Variants in COL6A1 observed in about 807,000 individuals in gnomAD.
COL6A1 encodes the protein collagen alpha-1(VI) chain.
COL6A1 carries 80 observed loss-of-function variants against 145.6 expected under a neutral mutation model. The ratio of observed to expected loss-of-function variants is 0.55; its 90% CI spans 0.46 to 0.66. The LOEUF (loss-of-function observed/expected upper bound fraction) is 0.66, where lower values mean the gene tolerates loss of function less well. Ranked by LOEUF, COL6A1 falls within the 30% of genes least tolerant of loss-of-function variation. The pLI is 0.00. For synonymous variants in COL6A1, 638 were observed against 622.8 expected (o/e 1.02, Z -0.36); for missense variants, 1,364 against 1,473.8 (o/e 0.93, Z 1.22).
At position 45,987,635 on chromosome 21, in the gene COL6A1, G is replaced by A. The variant is rs757791812; in HGVS notation, c.785G>A (p.Arg262Gln). The A allele has an allele frequency of 5.1e-5, 82 of 1,610,784 alleles. No homozygotes were observed. Among genetic ancestry groups the A allele is most frequent in the Middle Eastern group, 5.0e-4 (3 of 6,048 alleles). Residue 262 changes from arginine (R) to glutamine (Q), a missense_variant, in exon 8 of 35, where the codon CGG (arginine) becomes CAG (glutamine). Transcript: ENST00000361866. The stretch of plus-strand genomic sequence containing the variant: ...CCTGCAAGAGGACCTCCGGGGCTCC[G>A]GGGCGACCCCGGCTTTGAGGTGAGT... ...CQPARGPPGL[R>Q]GDPGFEGERG... is the part of the protein sequence containing the mutation.
chr21:45,983,245 G>T (rs1351490847), intron 2 of COL6A1, among the ~76,000 whole-genome samples: 1 of 152,200 alleles, frequency 6.6e-6, no homozygotes, highest in Admixed American at 6.5e-5. Context: ...GGAGCCAGGA[G>T]GGGTGTCGCT....
rs530390229 is a variant in COL6A1 at position 45,997,584 on chromosome 21, A to G, written c.1461+101A>G. On this transcript the variant is annotated intron_variant, in intron 21 of 34. Transcript: ENST00000361866. ...TGGCCCCGTGCCCTCTGAGGACTCTATGGCCCTGGGTGTCCTGGCTCCCGA... is the reference window on the plus strand; with the variant it reads ...TGGCCCCGTGCCCTCTGAGGACTCTGTGGCCCTGGGTGTCCTGGCTCCCGA... The G allele has an allele frequency of 1.5e-4, 225 of 1,536,330 alleles. 1 individual carries two copies. In the African/African-American group the frequency reaches 2.7e-3, roughly 18 times the overall value.
chr21:45,989,554 G>GGCCCCT (rs1174780643), intron 9 of COL6A1, 54 bp from the exon 10 acceptor site: 2 of 1,569,578 alleles, frequency 1.3e-6, no homozygotes, highest in Non-Finnish European at 1.8e-6. Context: ...GGGTGGGACT[G>GGCCCCT]GCCCCTGCCC....
chr21:45,987,422 G>C, intron 6 of COL6A1, 77 bp from the exon 7 acceptor site: 1 of 1,597,448 alleles, frequency 6.3e-7, no homozygotes, highest in Non-Finnish European at 8.6e-7. Context: ...CATGTGCCTG[G>C]GTCGCATGTC....
intron 19 of COL6A1, among the ~76,000 whole-genome samples, chr21:45,993,502 G>A (rs1013016238): frequency 2.0e-5 from 3 of 152,226 alleles, no homozygotes; most frequent in Non-Finnish European, 2.9e-5. Context: ...CAGAGGCAGC[G>A]CCCCCGGGTG....
chr21:45,987,220 C>T, intron 6 of COL6A1, 45 bp downstream of exon 6: 21 of 1,585,482 alleles, frequency 1.3e-5, no homozygotes, highest in East Asian at 2.3e-5. Flanking sequence ...CTGCACACGT[C>T]CACCCACACG....
chr21:45,986,879 T>C (rs2077742151), intron 4 of COL6A1, 65 bp from the exon 5 acceptor site: 2 of 1,533,956 alleles, frequency 1.3e-6, no homozygotes, highest in Non-Finnish European at 1.7e-6. Flanking sequence ...TCTGGCCCTG[T>C]GGGAAGCGGC....
intron 27 of COL6A1, 61 bp from the exon 28 acceptor site, chr21:46,000,270 C>T: frequency 6.2e-7 from 1 of 1,601,634 alleles, no homozygotes; most frequent in Non-Finnish European, 8.6e-7. Context: ...ATCCAGCAGC[C>T]CACAGTCCCC....
intron 10 of COL6A1, 33 bp downstream of exon 10, chr21:45,989,685 G>A (rs777423876): frequency 6.2e-7 from 1 of 1,613,168 alleles, no homozygotes; most frequent in Non-Finnish European, 8.5e-7. Context: ...CCCGAGCCCG[G>A]TGGTGCCCTC....
In COL6A1 at chr21:46,003,384, C is replaced by T. The variant is rs376196793; in HGVS notation, c.2465-7C>T. 1.1e-5 allele frequency: 18 copies of T among 1,599,998 alleles called. No individual in the cohort carries two copies. The African/African-American group carries it at 2.4e-4, about 21-fold the overall frequency. ...TCATGCTAACGGCTGCCCACCCCGC[C>T]CCGCAGTCACGTTCTCCTCCCCGGC... is the stretch of plus-strand genomic sequence containing the variant. On this transcript the variant is annotated splice_region_variant and splice_polypyrimidine_tract_variant and intron_variant, in intron 34 of 34. Coordinates refer to ENST00000361866, the MANE Select transcript of COL6A1 (RefSeq NM_001848.3).
In COL6A1 at chr21:46,003,801, G is replaced by A. The variant is rs200959957; in HGVS notation, c.2875G>A (p.Val959Met). Residue 959 changes from valine (V) to methionine (M), a missense_variant, in exon 35 of 35, where the codon GTG becomes ATG. Around this residue, in one of 3 missense-constraint regions of COL6A1, gnomAD observed 938 missense variants for 1,003.8 expected, o/e 0.93. Coordinates refer to ENST00000361866, the MANE Select transcript of COL6A1 (RefSeq NM_001848.3). ...GATPAAIEKAVQEAQRAGIEI... is the reference protein window; with the variant it reads ...GATPAAIEKAMQEAQRAGIEI... ...CACGCCCGCTGCCATCGAGAAGGCC[G>A]TGCAGGAAGCCCAGCGGGCAGGCAT... 233 of 1,608,978 alleles carry A rather than the reference G, an allele frequency of 1.4e-4. No individual in the cohort carries two copies. Among genetic ancestry groups the A allele is most frequent in the Non-Finnish European group, 1.6e-4 (191 of 1,176,700 alleles).
chr21:45,983,558 C>T (rs914181518), intron 2 of COL6A1, among the ~76,000 whole-genome samples: 1 of 152,106 alleles, frequency 6.6e-6, no homozygotes, highest in East Asian at 1.9e-4. Flanking sequence ...CTGCCGGTAA[C>T]AGCAGGGTGG....
At chr21:45,983,469 G>C (rs1480276782) in intron 2 of COL6A1, among the ~76,000 whole-genome samples, 1 of 152,112 alleles carries the variant, frequency 6.6e-6, no homozygotes, top group Non-Finnish European at 1.5e-5. Flanking sequence ...AGCCGGCGTA[G>C]GAACCCCCGT....
At chr21:46,001,491 C>T (rs546107498) in intron 30 of COL6A1, 105 bp downstream of exon 30, 1 of 1,431,704 alleles carries the variant, frequency 7.0e-7, no homozygotes, top group Admixed American at 1.7e-5. Flanking sequence ...ACCGCTGCAT[C>T]CCTGTGACTT....
intron 23 of COL6A1, 112 bp from the exon 24 acceptor site, chr21:45,998,286 C>A: frequency 6.3e-7 from 1 of 1,582,766 alleles, no homozygotes; most frequent in South Asian, 1.1e-5. Context: ...CCGGCTGGCC[C>A]AGGAATTCCA....
intron 27 of COL6A1, 94 bp downstream of exon 27, chr21:45,999,786 T>C (rs907739771): frequency 2.4e-6 from 2 of 846,890 alleles, no homozygotes; most frequent in Non-Finnish European, 3.5e-6. Context: ...CTGTAGACGC[T>C]GCTCACGGGG....
intron 20 of COL6A1, among the ~76,000 whole-genome samples, chr21:45,997,031 G>C (rs931445308): frequency 2.0e-5 from 3 of 152,164 alleles, no homozygotes; most frequent in Admixed American, 2.0e-4. Flanking sequence ...TGCGGCCTGG[G>C]GACCTGTAGC....
intron 20 of COL6A1, 96 bp from the exon 21 acceptor site, chr21:45,997,325 T>A: frequency 8.6e-7 from 1 of 1,166,808 alleles, no homozygotes; most frequent in East Asian, 2.4e-5. Context: ...CTGGGGGCCC[T>A]GATGCCTCTT....
chr21:46,003,492 G>C lies in COL6A1; in HGVS notation c.2566G>C (p.Ala856Pro). The C allele has an allele frequency of 6.2e-7, 1 of 1,610,510 alleles. No homozygotes were observed. The highest frequency in any genetic ancestry group is 8.5e-7 in the Non-Finnish European group (1 of 1,179,512). The change falls in exon 35 of 35, where the codon GCC (alanine) becomes CCC (proline). Residue 856 changes from alanine to proline, a missense_variant. This residue lies in a region of COL6A1 where 938 missense variants were observed against 1,003.8 expected (regional missense o/e 0.93). Transcript: ENST00000361866. ...CACCAAGCGCTTCGCCAAGCGCCTG[G>C]CCGAGCGCTTCCTCACAGCGGGCAG... ...DTTKRFAKRL[A>P]ERFLTAGRTD...
Sources: gnomAD v4.1 joint callset for allele counts (sites outside exome capture counted in the v4.1 genomes callset) on GRCh38, gnomAD v4.1.1 for gene constraint, gnomAD v4.1.1 regional missense constraint, MANE v1.5 for transcripts, NCBI Gene and HGNC (gene_info 2026-07-23, HGNC 2026-07-21) for gene names.